The following TSGA10 variants were observed in gnomAD, a reference collection of about 807,000 sequenced individuals.
TSGA10 encodes the protein testis-specific gene 10 protein.
In TSGA10, 43 loss-of-function variants were observed where a neutral mutation model predicts 96.6. The observed-to-expected ratio is 0.44, with a 90% CI of 0.35 to 0.57. TSGA10 has a LOEUF of 0.57. Among genes scored for constraint, TSGA10 ranks in the 20% least tolerant of loss-of-function variants. The pLI is 0.01. For missense variants in TSGA10, 703 were observed against 834.4 expected, an observed-to-expected ratio of 0.84 and a Z score of 1.94; for synonymous variants, 229 against 269.9, an observed-to-expected ratio of 0.85 and a Z score of 1.48.
chr2:99,072,529 A>G (rs1176551150), intron 13 of TSGA10, among the ~76,000 whole-genome samples: 2 of 152,200 alleles, frequency 1.3e-5, no homozygotes, highest in African/African-American at 4.8e-5. Context: ...CTCATACAAA[A>G]GCATTTCACT....
intron 14 of TSGA10, among the ~76,000 whole-genome samples, chr2:99,069,261 C>T (rs1558909935): frequency 1.3e-5 from 2 of 152,060 alleles, no homozygotes; most frequent in Non-Finnish European, 2.9e-5. Context: ...TAAAACAACA[C>T]ATTACTATTC....
rs550624347 is a variant in TSGA10 at position 99,013,790 on chromosome 2, C to A, written c.2072+4410G>T. Among the ~76,000 whole-genome samples the A allele has an allele frequency of 3.3e-5, 5 of 151,778 alleles. No individual in the cohort carries two copies. The East Asian group carries it at 5.9e-4, about 18-fold the overall frequency. ...CAGCATTTTGGGAGGCGAAGACAGG[C>A]GGATCACTTGAGGTCAGGAGTTCAA... On this transcript the variant is annotated intron_variant, in intron 20 of 20. Transcript: ENST00000393483.
chr2:99,031,974 C>T (rs1006522645), intron 17 of TSGA10, among the ~76,000 whole-genome samples: 1 of 152,168 alleles, frequency 6.6e-6, no homozygotes, highest in East Asian at 1.9e-4. Flanking sequence ...TGCACAGAGA[C>T]CTTAATAAAT....
chr2:99,133,010 T>C (rs2093165602), intron 1 of TSGA10, among the ~76,000 whole-genome samples: 1 of 152,206 alleles, frequency 6.6e-6, no homozygotes, highest in Non-Finnish European at 1.5e-5. Flanking sequence ...TTACTTCAAT[T>C]ATGCGGTCAA....
chr2:99,072,642 T>C (rs1217359359), intron 13 of TSGA10, among the ~76,000 whole-genome samples: 1 of 152,186 alleles, frequency 6.6e-6, no homozygotes, highest in Non-Finnish European at 1.5e-5. Flanking sequence ...TGATTTCTTA[T>C]TGCCCAAAGG....
intron 16 of TSGA10, among the ~76,000 whole-genome samples, chr2:99,042,610 T>A (rs2082308707): frequency 6.6e-6 from 1 of 152,194 alleles, no homozygotes; most frequent in Admixed American, 6.5e-5. Flanking sequence ...CATAGCTTTC[T>A]GAACTTCTGT....
chr2:99,035,401 A>G lies in TSGA10; in HGVS notation c.1443T>C (p.Ser481=), dbSNP rs572049096. The G allele has an allele frequency of 1.2e-6, 2 of 1,612,500 alleles. No homozygotes were observed. Among genetic ancestry groups the G allele is most frequent in the African/African-American group, 2.7e-5 (2 of 75,000 alleles). Residue 481 remains serine, a synonymous_variant, in exon 17 of 21, where the codon TCT becomes TCC. Coordinates refer to ENST00000393483, the MANE Select transcript of TSGA10 (RefSeq NM_025244.4). The part of the protein sequence containing the change: ...NAERSYKSQI[S]TLHKSVVKME... ...TTTTTACAACAGATTTATGTAAGGT[A>G]GAAATCTGGGACTTGTAAGACCTTT...
intron 10 of TSGA10, chr2:99,102,821 A>T: frequency 8.1e-7 from 1 of 1,232,702 alleles, no homozygotes; most frequent in Non-Finnish European, 1.2e-6. Flanking sequence ...AGAACTGTAA[A>T]TATAAACCTA....
rs1472727844 is a variant in TSGA10, at chr2:99,105,507, TA to T, written c.381+19del. On this transcript the variant is annotated intron_variant, in intron 8 of 20. Transcript: ENST00000393483. ...AATTTGTGTTTCACATATATTCACG[TA>T]AATAAAATCCTTTCCAACCTTTAGC... 1.2e-6 allele frequency: 2 copies of T among 1,613,894 alleles called. No individual in the cohort carries two copies. Among genetic ancestry groups the T allele is most frequent in the South Asian group, 2.2e-5 (2 of 91,076 alleles).
intron 4 of TSGA10, among the ~76,000 whole-genome samples, chr2:99,114,766 G>C (rs12995308): frequency 0.059 from 8,962 of 152,062 alleles, 361 homozygotes; most frequent in Middle Eastern, 0.12. Context: ...ACTCTCTCTA[G>C]AACATAAACC....
intron 17 of TSGA10, among the ~76,000 whole-genome samples, chr2:99,024,881 C>G (rs2104992693): frequency 6.6e-6 from 1 of 152,296 alleles, no homozygotes; most frequent in South Asian, 2.1e-4. Context: ...GCTTTTTCTG[C>G]ATCCATTGAG....
At chr2:99,012,213 A>G (rs1359106714) in intron 20 of TSGA10, among the ~76,000 whole-genome samples, 1 of 152,212 alleles carries the variant, frequency 6.6e-6, no homozygotes, top group African/African-American at 2.4e-5. Flanking sequence ...TCAAAATAGA[A>G]GCTCCTTATG....
At chr2:99,048,402 A>C (rs1256546330) in intron 16 of TSGA10, among the ~76,000 whole-genome samples, 3 of 152,210 alleles carry the variant, frequency 2.0e-5, no homozygotes, top group African/African-American at 7.2e-5. Flanking sequence ...AATGGAACAG[A>C]ACAGAGGCCT....
chr2:99,132,954 C>A (rs186282563), intron 1 of TSGA10, among the ~76,000 whole-genome samples: 181 of 152,148 alleles, frequency 1.2e-3, no homozygotes, highest in African/African-American at 4.1e-3. Flanking sequence ...CTGTGGTCTG[C>A]GAGACTGTTA....
chr2:99,150,405 T>G (rs1559158244), intron 1 of TSGA10: 1 of 812,954 alleles, frequency 1.2e-6, no homozygotes, highest in East Asian at 2.5e-5. Flanking sequence ...CACCACAGCT[T>G]TTCATTCAAA....
chr2:99,079,808 T>C (rs1381476328), intron 11 of TSGA10, among the ~76,000 whole-genome samples: 2 of 152,154 alleles, frequency 1.3e-5, no homozygotes, highest in African/African-American at 4.8e-5. Context: ...GGTTAATCCC[T>C]ACTAGGTTAA....
At chr2:99,149,785 CT>C (rs70940143) in intron 1 of TSGA10, among the ~76,000 whole-genome samples, 61,260 of 112,158 alleles carry the variant, frequency 0.55, 16,955 homozygotes, top group Middle Eastern at 0.72. Context: ...TCACAAGTAT[CT>C]TTTTTTTTTT....
intron 7 of TSGA10, among the ~76,000 whole-genome samples, chr2:99,107,470 T>C (rs957229058): frequency 2.0e-5 from 3 of 152,110 alleles, no homozygotes; most frequent in African/African-American, 7.2e-5. Flanking sequence ...AAAAAAAAGA[T>C]TGTTTGTTGC....
intron 2 of TSGA10, among the ~76,000 whole-genome samples, chr2:99,122,124 T>C (rs567248799): frequency 9.2e-5 from 14 of 152,364 alleles, no homozygotes; most frequent in African/African-American, 2.9e-4. Flanking sequence ...CATTCATGTA[T>C]GTATCTATCC....
Sources: gnomAD v4.1 joint callset for allele counts (sites outside exome capture counted in the v4.1 genomes callset) on GRCh38, gnomAD v4.1.1 for gene constraint, MANE v1.5 for transcripts, NCBI Gene and HGNC (gene_info 2026-07-23, HGNC 2026-07-21) for gene names.